The following INPPL1 variants were observed in gnomAD, a reference collection of about 807,000 sequenced individuals.
The protein encoded by INPPL1 is inositol polyphosphate phosphatase like 1.
A neutral mutation model predicts 139.3 loss-of-function variants in INPPL1; 91 were observed. The observed-to-expected ratio is 0.65, with a 90% CI of 0.55 to 0.78. INPPL1 has a LOEUF of 0.78. Ranked by LOEUF, INPPL1 falls within the 30% of genes least tolerant of loss-of-function variation. The pLI is 0.00. For synonymous variants in INPPL1, 719 were observed against 686.6 expected (o/e 1.05, Z -0.74); for missense variants, 1,411 against 1,665.6 (o/e 0.85, Z 2.66).
Position 72,228,959 on chromosome 11 carries a change from C to T in INPPL1, c.518+112C>T. 2 of 1,521,188 alleles carry T rather than the reference C, an allele frequency of 1.3e-6. No homozygotes were observed. 94.2% of individuals were successfully genotyped at this position (1,521,188 alleles called of 1,614,324 possible). A position where few individuals can be genotyped will look rare whatever the true frequency, so the allele number is the denominator to read the frequency against. On this transcript the variant is annotated intron_variant, in intron 4 of 27. Coordinates refer to ENST00000298229, the MANE Select transcript of INPPL1 (RefSeq NM_001567.4). The surrounding 1 kb of genome is among the most constrained non-coding windows in gnomAD (Gnocchi z 5.0). ...ACCCCACCAGGGACCCCCACCCCACCTCAGCCCAGAGGCAGATAACCTGAT... is the reference window on the plus strand; with the variant it reads ...ACCCCACCAGGGACCCCCACCCCACTTCAGCCCAGAGGCAGATAACCTGAT...
Position 72,235,192 on chromosome 11 carries a change from A to G in INPPL1, c.2492A>G (p.Tyr831Cys), listed in dbSNP as rs147698067. The G allele has an allele frequency of 1.9e-6, 3 of 1,613,918 alleles. No individual in the cohort carries two copies. The highest frequency in any genetic ancestry group is 2.5e-6 in the Non-Finnish European group (3 of 1,179,980). The change falls in exon 22 of 28, where the codon TAT becomes TGT. Residue 831 changes from tyrosine to cysteine, a missense_variant. Around this residue, in one of 5 missense-constraint regions of INPPL1, gnomAD observed 99 missense variants for 171.6 expected, o/e 0.58. Coordinates refer to ENST00000298229, the MANE Select transcript of INPPL1 (RefSeq NM_001567.4). This position sits in a 1 kb window ranked among gnomAD's most constrained non-coding sequence, Gnocchi z 4.9. ...LLLTVKSMDGYESYGECVVAL... is the reference protein window; with the variant it reads ...LLLTVKSMDGCESYGECVVAL... ...CTCACAGTCAAGTCCATGGATGGCT[A>G]TGAATCCTATGGTGAGGGGTGAGGG...
chr11:72,224,949 C>A lies in INPPL1; in HGVS notation c.-36C>A. ...GCGTCTCGGGGCGGATGGCGCGGGG[C>A]GGCGGGGGCGGGCGGTGCTGAGCCC... is the stretch of plus-strand genomic sequence containing the variant. On this transcript the variant is annotated 5_prime_UTR_variant, in exon 1 of 28. Transcript: ENST00000298229. 9.4e-7 allele frequency: 1 copy of A among 1,058,790 alleles called. No homozygotes were observed. The highest frequency in any genetic ancestry group is 1.1e-6 in the Non-Finnish European group (1 of 878,312). The allele number at this position is 1,058,790 out of a possible 1,614,324, so 65.6% of individuals were successfully genotyped here. A position where few individuals can be genotyped will look rare whatever the true frequency, so the allele number is the denominator to read the frequency against.
At position 72,230,922 on chromosome 11, in the gene INPPL1, G is replaced by A. The variant is rs752247735; in HGVS notation, c.1300+24G>A. ...GGGTCAGGCCCGGGCTGGGGCTGGG[G>A]CGGGAGAGAGGGATGGCCCCAGAGC... On this transcript the variant is annotated intron_variant, in intron 11 of 27. Transcript: ENST00000298229. The A allele has an allele frequency of 1.9e-6, 3 of 1,613,366 alleles. No individual in the cohort carries two copies. In the African/African-American group the frequency reaches 4.0e-5, roughly 22 times the overall value.
intron 1 of INPPL1, among the ~76,000 whole-genome samples, chr11:72,226,288 C>T (rs1237461954): frequency 2.0e-5 from 3 of 148,632 alleles, no homozygotes; most frequent in Non-Finnish European, 3.0e-5. Context: ...TCAAGTGATT[C>T]TTCTGCCTCT....
intron 25 of INPPL1, 128 bp from the exon 26 acceptor site, chr11:72,236,996 C>T: frequency 1.3e-6 from 1 of 772,858 alleles, no homozygotes; most frequent in Non-Finnish European, 2.1e-6. Context: ...AGGTGATGTG[C>T]TCAAGGTCAT....
At position 72,232,816 on chromosome 11, in the gene INPPL1, T is replaced by A. The variant is rs779815304; in HGVS notation, c.1851+52T>A. 6.8e-6 allele frequency: 11 copies of A among 1,613,738 alleles called. No homozygotes were observed. The South Asian group carries it at 1.2e-4, about 18-fold the overall frequency. On this transcript the variant is annotated intron_variant, in intron 15 of 27. Transcript: ENST00000298229. Reference sequence around the variant, plus strand: ...TAGGGAGGCTAAGGGCCACATGGGCTATCACCCCTGGCTCTGGCTCCGGAG... The same window carrying A: ...TAGGGAGGCTAAGGGCCACATGGGCAATCACCCCTGGCTCTGGCTCCGGAG...
chr11:72,238,143 G>C lies in INPPL1; in HGVS notation c.3654G>C (p.Val1218=). ...IGLERYEEGL[V]HNGWDDLEFL... is the part of the protein sequence containing the mutation. ...TGGAGCGCTATGAGGAGGGCCTGGTGCATAATGGCTGGGACGACCTGGAGT... is the reference window on the plus strand; with the variant it reads ...TGGAGCGCTATGAGGAGGGCCTGGTCCATAATGGCTGGGACGACCTGGAGT... Residue 1218 remains valine (V), a synonymous_variant, in exon 27 of 28, where the codon GTG becomes GTC. Transcript: ENST00000298229. 6.3e-7 allele frequency: 1 copy of C among 1,592,248 alleles called. No individual in the cohort carries two copies. The highest frequency in any genetic ancestry group is 8.6e-7 in the Non-Finnish European group (1 of 1,169,474).
chr11:72,229,115 T>C lies in INPPL1; in HGVS notation c.544T>C (p.Ser182Pro). The C allele has an allele frequency of 6.2e-7, 1 of 1,613,402 alleles. No individual in the cohort carries two copies. Among genetic ancestry groups the C allele is most frequent in the Non-Finnish European group, 8.5e-7 (1 of 1,179,642 alleles). The change falls in exon 5 of 28, where the codon TCG (serine) becomes CCG (proline). Residue 182 changes from serine to proline, a missense_variant. Physicochemically the swap from Ser to Pro is moderately conservative, Grantham distance 74. Around this residue, in one of 5 missense-constraint regions of INPPL1, gnomAD observed 504 missense variants for 595.6 expected, o/e 0.85. Coordinates refer to ENST00000298229, the MANE Select transcript of INPPL1 (RefSeq NM_001567.4). ...TGCTCCCAATGGGCTGAGCACCGTCTCGCACGACTACCTGAAAGGCAGCTA... is the reference window on the plus strand; with the variant it reads ...TGCTCCCAATGGGCTGAGCACCGTCCCGCACGACTACCTGAAAGGCAGCTA... ...ESAPNGLSTVSHDYLKGSYGL... is the reference protein window; with the variant it reads ...ESAPNGLSTVPHDYLKGSYGL...
In INPPL1 at chr11:72,231,016, G is replaced by A. The variant is rs757082997; in HGVS notation, c.1324G>A (p.Val442Met). The A allele has an allele frequency of 3.0e-5, 48 of 1,613,684 alleles. No individual in the cohort carries two copies. The highest frequency in any genetic ancestry group is 6.7e-5 in the Admixed American group (4 of 59,956). Reference protein sequence around the residue: ...NMGSVPPPKNVTSWFTSKGLG... With the variant: ...NMGSVPPPKNMTSWFTSKGLG... ...AGGAAGTGTACCACCTCCAAAAAAC[G>A]TGACATCCTGGTTCACATCGAAGGG... The change falls in exon 12 of 28, where the codon GTG (valine) becomes ATG (methionine). Residue 442 changes from valine to methionine, a missense_variant. Coordinates refer to ENST00000298229, the MANE Select transcript of INPPL1 (RefSeq NM_001567.4).
chr11:72,229,096 C>T lies in INPPL1; in HGVS notation c.525C>T (p.Pro175=). ...TPTAPAAESA[P]NGLSTVSHDY... The stretch of plus-strand genomic sequence containing the variant: ...TCTTAACCCCTCCCCAAAGTGCTCC[C>T]AATGGGCTGAGCACCGTCTCGCACG... Residue 175 remains proline, a synonymous_variant, in exon 5 of 28, where the codon CCC becomes CCT. Coordinates refer to ENST00000298229, the MANE Select transcript of INPPL1 (RefSeq NM_001567.4). 4 of 1,609,548 alleles carry T rather than the reference C, an allele frequency of 2.5e-6. No homozygotes were observed. The highest frequency in any genetic ancestry group is 3.4e-6 in the Non-Finnish European group (4 of 1,177,218).
rs1472614644 is a variant in INPPL1, at chr11:72,235,787, G to A, written c.2738+34G>A. 1 of 1,613,822 alleles carries A rather than the reference G, an allele frequency of 6.2e-7. No individual in the cohort carries two copies. Among genetic ancestry groups the A allele is most frequent in the Admixed American group, 1.7e-5 (1 of 59,984 alleles). On this transcript the variant is annotated intron_variant, in intron 24 of 27. Coordinates refer to ENST00000298229, the MANE Select transcript of INPPL1 (RefSeq NM_001567.4). This position sits in a 1 kb window ranked among gnomAD's most constrained non-coding sequence, Gnocchi z 4.9. ...GGGCTGTGTTGAATGTCATATGAAA[G>A]GGTACCTGGGGGCATCTGGTCAACC...
intron 15 of INPPL1, 40 bp downstream of exon 15, chr11:72,232,804 G>A (rs755666001): frequency 6.2e-7 from 1 of 1,613,786 alleles, no homozygotes; most frequent in South Asian, 1.1e-5. Flanking sequence ...GGAGGCTAAG[G>A]GCCACATGGG....
At chr11:72,236,110 G>A (rs972328770) in intron 25 of INPPL1, 124 bp downstream of exon 25, 5 of 639,008 alleles carry the variant, frequency 7.8e-6, no homozygotes, top group Admixed American at 6.0e-5. Context: ...CCACTCTGTG[G>A]TTGGAGCTGC....
At chr11:72,227,002 C>T (rs144881641) in intron 1 of INPPL1, among the ~76,000 whole-genome samples, 1 of 152,264 alleles carries the variant, frequency 6.6e-6, no homozygotes, top group Non-Finnish European at 1.5e-5. Context: ...CCCCGCATCT[C>T]AAGAGCCTGG....
Position 72,231,099 on chromosome 11 carries a change from T to C in INPPL1, c.1407T>C (p.Phe469=), listed in dbSNP as rs896586751. Residue 469 remains phenylalanine (F), a synonymous_variant, in exon 12 of 28, where the codon TTT becomes TTC. Transcript: ENST00000298229. ...TVTIPHDIYV[F]GTQENSVGDR... is the part of the protein sequence containing the mutation. ...CCATACCCCATGACATCTATGTCTT[T>C]GGGACCCAGGAGAACTCAGTGGGCG... 2 of 1,613,934 alleles carry C rather than the reference T, an allele frequency of 1.2e-6. No individual in the cohort carries two copies. The highest frequency in any genetic ancestry group is 1.7e-6 in the Non-Finnish European group (2 of 1,180,020).
intron 17 of INPPL1, 44 bp downstream of exon 17, chr11:72,233,207 G>A: frequency 1.3e-6 from 2 of 1,554,258 alleles, no homozygotes. Context: ...CCGCAGGCCT[G>A]CGATGAATCA....
Position 72,225,006 on chromosome 11 carries a change from C to G in INPPL1, c.22C>G (p.Pro8Ala). Residue 8 changes from proline to alanine, a missense_variant, in exon 1 of 28, where the codon CCG becomes GCG. Coordinates refer to ENST00000298229, the MANE Select transcript of INPPL1 (RefSeq NM_001567.4). Reference protein sequence around the residue: MASACGAPGPGGALGSQA... With the variant: MASACGAAGPGGALGSQA... Reference sequence around the variant, plus strand: ...GGCCATGGCCTCGGCCTGCGGGGCGCCGGGCCCGGGGGGCGCCCTGGGCAG... The same window carrying G: ...GGCCATGGCCTCGGCCTGCGGGGCGGCGGGCCCGGGGGGCGCCCTGGGCAG... The G allele has an allele frequency of 1.7e-6, 2 of 1,205,736 alleles. No homozygotes were observed. Among genetic ancestry groups the G allele is most frequent in the Non-Finnish European group, 2.1e-6 (2 of 971,658 alleles). 74.7% of individuals were successfully genotyped at this position (1,205,736 alleles called of 1,614,324 possible).
At chr11:72,233,399 C>T (rs2135435471) in intron 17 of INPPL1, 42 bp from the exon 18 acceptor site, 2 of 1,570,224 alleles carry the variant, frequency 1.3e-6, no homozygotes, top group South Asian at 2.2e-5. Context: ...CAAGCAGCCT[C>T]CTAGCTGTCA....
At chr11:72,232,170 A>G in intron 13 of INPPL1, 70 bp from the exon 14 acceptor site, 1 of 1,244,800 alleles carries the variant, frequency 8.0e-7, no homozygotes, top group Non-Finnish European at 1.2e-6. Flanking sequence ...TGCAGCTTTG[A>G]GAGGCAGAAG....
Sources: gnomAD v4.1 joint callset for allele counts (sites outside exome capture counted in the v4.1 genomes callset) on GRCh38, gnomAD v4.1.1 for gene constraint, gnomAD v4.1.1 regional missense constraint, Gnocchi (gnomAD v3.1) non-coding constraint, MANE v1.5 for transcripts, NCBI Gene and HGNC (gene_info 2026-07-23, HGNC 2026-07-21) for gene names.